ACTR1A: variants seen among roughly 807,000 people sequenced by gnomAD.
ACTR1A encodes actin related protein 1A, also known as alpha-centractin.
In ACTR1A, 10 loss-of-function variants were observed where a neutral mutation model predicts 50.7. The observed-to-expected ratio is 0.20, with a 90% CI of 0.12 to 0.33. The LOEUF (loss-of-function observed/expected upper bound fraction) is 0.33. Among genes scored for constraint, ACTR1A ranks in the 10% least tolerant of loss-of-function variants. The pLI, the probability that ACTR1A is intolerant of heterozygous loss-of-function variation, is 1.00. For missense variants in ACTR1A, 253 were observed against 491.7 expected (o/e 0.51, Z 4.59); for synonymous variants, 177 against 184.2 (o/e 0.96, Z 0.32).
rs1404257528 is a variant in ACTR1A, at chr10:102,502,502, A to C, written c.48+98T>G. On this transcript the variant is annotated intron_variant, in intron 1 of 10. Transcript: ENST00000369905. ...CTGAACGCGCCTGACAGGCCGGGCCAGTGACAAAGAGCCGGCGGCTCAGGC... is the reference window on the plus strand; with the variant it reads ...CTGAACGCGCCTGACAGGCCGGGCCCGTGACAAAGAGCCGGCGGCTCAGGC... 3.7e-6 allele frequency: 5 copies of C among 1,346,706 alleles called. No individual in the cohort carries two copies. The African/African-American group carries it at 7.2e-5, about 19-fold the overall frequency. 83.4% of individuals were successfully genotyped at this position (1,346,706 alleles called of 1,614,324 possible). A position where few individuals can be genotyped will look rare whatever the true frequency, so the allele number is the denominator to read the frequency against.
intron 1 of ACTR1A, among the ~76,000 whole-genome samples, chr10:102,497,964 G>A (rs958025289): frequency 1.6e-4 from 24 of 149,832 alleles, no homozygotes; most frequent in African/African-American, 3.4e-4. Context: ...GGTGGTACAC[G>A]GCTGTAGTCC....
rs2062130897 is a variant in ACTR1A, at chr10:102,480,122, C to T, written c.*741G>A. 6.3e-6 allele frequency: 1 copy of T among 159,722 alleles called. No homozygotes were observed. The highest frequency in any genetic ancestry group is 1.4e-5 in the Non-Finnish European group (1 of 72,124). 9.9% of individuals were successfully genotyped at this position (159,722 alleles called of 1,614,324 possible). A position where few individuals can be genotyped will look rare whatever the true frequency, so the allele number is the denominator to read the frequency against. On this transcript the variant is annotated 3_prime_UTR_variant, in exon 11 of 11. Coordinates refer to ENST00000369905, the MANE Select transcript of ACTR1A (RefSeq NM_005736.4). ...TTTGAAGATGGCATTGCAACAAGAA[C>T]AGATGGAAAGCGAGGTCCTGGAACC...
Position 102,480,739 on chromosome 10 carries a change from G to A in ACTR1A, c.*124C>T. 9.7e-6 allele frequency: 8 copies of A among 820,854 alleles called. No homozygotes were observed. The highest frequency in any genetic ancestry group is 1.3e-5 in the Non-Finnish European group (6 of 479,390). The allele number at this position is 820,854 out of a possible 1,614,324, so 50.8% of individuals were successfully genotyped here. On this transcript the variant is annotated 3_prime_UTR_variant, in exon 11 of 11. Coordinates refer to ENST00000369905, the MANE Select transcript of ACTR1A (RefSeq NM_005736.4). ...CCAGGGCCACACGGCACTCGCATGT[G>A]CACACACACTCATATCCACACACGC...
chr10:102,491,596 C>A (rs975280973), intron 1 of ACTR1A, among the ~76,000 whole-genome samples: 3 of 152,186 alleles, frequency 2.0e-5, no homozygotes, highest in East Asian at 3.8e-4. Context: ...CACAGTCCTG[C>A]TGCTCCAACA....
chr10:102,499,270 A>G (rs533181186), intron 1 of ACTR1A, among the ~76,000 whole-genome samples: 4 of 152,208 alleles, frequency 2.6e-5, no homozygotes, highest in Non-Finnish European at 5.9e-5. Context: ...AATGTTTCCT[A>G]TACATCTACC....
chr10:102,486,130 CG>C (rs1564648693), intron 4 of ACTR1A, among the ~76,000 whole-genome samples: 3 of 152,110 alleles, frequency 2.0e-5, no homozygotes, highest in Non-Finnish European at 2.9e-5. Context: ...GGCAGGTAAG[CG>C]AGCATTATTG....
In ACTR1A at chr10:102,482,861, TG is replaced by T. The variant is rs1416219388; in HGVS notation, c.750+149del. On this transcript the variant is annotated intron_variant, in intron 7 of 10. Coordinates refer to ENST00000369905, the MANE Select transcript of ACTR1A (RefSeq NM_005736.4). The surrounding 1 kb of genome is among the most constrained non-coding windows in gnomAD (Gnocchi z 5.6). ...TGTTGGGCCTTACTGAAAGCCATCCTGGGCCACGTGCAGCCCATGGGCCAGG... is the reference window on the plus strand; with the variant it reads ...TGTTGGGCCTTACTGAAAGCCATCCTGGCCACGTGCAGCCCATGGGCCAGG... 2 of 670,340 alleles carry T rather than the reference TG, an allele frequency of 3.0e-6. No homozygotes were observed. The highest frequency in any genetic ancestry group is 5.3e-6 in the Non-Finnish European group (2 of 376,338). 41.5% of individuals were successfully genotyped at this position (670,340 alleles called of 1,614,324 possible).
At chr10:102,489,531 G>A (rs1416117999) in intron 2 of ACTR1A, among the ~76,000 whole-genome samples, 2 of 152,150 alleles carry the variant, frequency 1.3e-5, no homozygotes, top group Non-Finnish European at 2.9e-5. Flanking sequence ...AACTGATGCT[G>A]GGCTGGGCTC....
intron 1 of ACTR1A, among the ~76,000 whole-genome samples, chr10:102,494,949 T>C (rs1406777614): frequency 6.6e-6 from 1 of 152,108 alleles, no homozygotes; most frequent in Non-Finnish European, 1.5e-5. Context: ...TAGTTGTTGT[T>C]ACAGGTGTGC....
rs543622601 is a variant in ACTR1A at position 102,480,347 on chromosome 10, C to T, written c.*516G>A. 6.0e-6 allele frequency: 1 copy of T among 167,300 alleles called. No individual in the cohort carries two copies. The highest frequency in any genetic ancestry group is 1.5e-4 in the South Asian group (1 of 6,542). The allele number at this position is 167,300 out of a possible 1,614,324, so 10.4% of individuals were successfully genotyped here. ...GCTCTTGGGGTGCTTTTCCAGCCTC[C>T]CAAACCAAAATGGCAACAAAACCAG... On this transcript the variant is annotated 3_prime_UTR_variant, in exon 11 of 11. Transcript: ENST00000369905.
In ACTR1A at chr10:102,484,192, A is replaced by G; in HGVS notation, c.625T>C (p.Ser209Pro). 1 of 1,614,188 alleles carries G rather than the reference A, an allele frequency of 6.2e-7. No homozygotes were observed. Among genetic ancestry groups the G allele is most frequent in the Non-Finnish European group, 8.5e-7 (1 of 1,180,028 alleles). ...ATGGCCTTGACAATCTCAAACTCAG[A>G]GGATGAGTGGAAGTCGTAGCCCTCC... ...RKEGYDFHSS[S>P]EFEIVKAIKE... The change falls in exon 6 of 11, where the codon TCT becomes CCT. Residue 209 changes from serine (S) to proline (P), a missense_variant. Around this residue, in one of 4 missense-constraint regions of ACTR1A, gnomAD observed 116 missense variants for 155.9 expected, o/e 0.74. Transcript: ENST00000369905.
At chr10:102,486,545 CG>C (rs1470420664) in intron 4 of ACTR1A, among the ~76,000 whole-genome samples, 2 of 152,012 alleles carry the variant, frequency 1.3e-5, no homozygotes, top group East Asian at 3.8e-4. Flanking sequence ...CAAAATTAGC[CG>C]GGCTTGGTGG....
At position 102,488,029 on chromosome 10, in the gene ACTR1A, T is replaced by G. The variant is rs2062177393; in HGVS notation, c.315+121A>C. On this transcript the variant is annotated intron_variant, in intron 4 of 10. Transcript: ENST00000369905. This position sits in a 1 kb window ranked among gnomAD's most constrained non-coding sequence, Gnocchi z 4.4. ...TGTTAAGATTAAATCTGAATATGCC[T>G]GAAAATCAAATGGCTCCAGCACTCT... 4 of 1,198,028 alleles carry G rather than the reference T, an allele frequency of 3.3e-6. No homozygotes were observed. The allele number at this position is 1,198,028 out of a possible 1,614,324, so 74.2% of individuals were successfully genotyped here.
In ACTR1A at chr10:102,480,836, G is replaced by C. The variant is rs1416945923; in HGVS notation, c.*27C>G. 3 of 1,563,572 alleles carry C rather than the reference G, an allele frequency of 1.9e-6. No individual in the cohort carries two copies. Among genetic ancestry groups the C allele is most frequent in the Non-Finnish European group, 2.6e-6 (3 of 1,134,796 alleles). Reference sequence around the variant, plus strand: ...GAGTTTTAAAGTGGAGTTAACTTCAGAGAGAGGTGAAGATGATGTCCCGAC... The same window carrying C: ...GAGTTTTAAAGTGGAGTTAACTTCACAGAGAGGTGAAGATGATGTCCCGAC... On this transcript the variant is annotated 3_prime_UTR_variant, in exon 11 of 11. Transcript: ENST00000369905.
Position 102,479,547 on chromosome 10 carries a change from G to A in ACTR1A, c.*1316C>T. 1.7e-6 allele frequency: 2 copies of A among 1,196,582 alleles called. No individual in the cohort carries two copies. The highest frequency in any genetic ancestry group is 2.2e-6 in the Non-Finnish European group (2 of 909,088). 74.1% of individuals were successfully genotyped at this position (1,196,582 alleles called of 1,614,324 possible). On this transcript the variant is annotated 3_prime_UTR_variant, in exon 11 of 11. Transcript: ENST00000369905. The surrounding 1 kb of genome is among the most constrained non-coding windows in gnomAD (Gnocchi z 4.0). ...CAGCTTTGCACCATCTAGGCTGAAGGCCTTTGGACCACTCCTAGGAGTCAG... is the reference window on the plus strand; with the variant it reads ...CAGCTTTGCACCATCTAGGCTGAAGACCTTTGGACCACTCCTAGGAGTCAG...
intron 1 of ACTR1A, among the ~76,000 whole-genome samples, chr10:102,502,131 G>T (rs1368339938): frequency 6.6e-6 from 1 of 152,218 alleles, no homozygotes; most frequent in African/African-American, 2.4e-5. Flanking sequence ...CAGCCCTGGA[G>T]CACTGCCCCG....
intron 2 of ACTR1A, 74 bp from the exon 3 acceptor site, chr10:102,489,212 T>A (rs1042774626): frequency 1.9e-6 from 2 of 1,028,052 alleles, no homozygotes; most frequent in Admixed American, 5.7e-5. Context: ...TAGATGTACA[T>A]ACACACTCAA....
chr10:102,480,870 G>C lies in ACTR1A; in HGVS notation c.1124C>G (p.Thr375Ser). ...EDGARSIHRK[T>S]F The stretch of plus-strand genomic sequence containing the variant: ...GAAGATGATGTCCCGACATTAGAAG[G>C]TTTTTCTGTGGATGGATCGGGCACC... The change falls in exon 11 of 11, where the codon ACC becomes AGC. Residue 375 changes from threonine (T) to serine (S), a missense_variant. Around this residue, in one of 4 missense-constraint regions of ACTR1A, gnomAD observed 14 missense variants for 16.3 expected, o/e 0.86. Transcript: ENST00000369905. 6.2e-7 allele frequency: 1 copy of C among 1,612,172 alleles called. No individual in the cohort carries two copies. Among genetic ancestry groups the C allele is most frequent in the Non-Finnish European group, 8.5e-7 (1 of 1,178,286 alleles).
chr10:102,489,379 T>A (rs2062182238), intron 2 of ACTR1A, among the ~76,000 whole-genome samples: 1 of 152,134 alleles, frequency 6.6e-6, no homozygotes, highest in Non-Finnish European at 1.5e-5. Context: ...AACAAATTTT[T>A]AGAGTATTTA....
Sources: gnomAD v4.1 joint callset for allele counts (sites outside exome capture counted in the v4.1 genomes callset) on GRCh38, gnomAD v4.1.1 for gene constraint, gnomAD v4.1.1 regional missense constraint, Gnocchi (gnomAD v3.1) non-coding constraint, MANE v1.5 for transcripts, NCBI Gene and HGNC (gene_info 2026-07-23, HGNC 2026-07-21) for gene names.